TULP4: variants seen among roughly 807,000 people sequenced by gnomAD.
The protein encoded by TULP4 is TUB like protein 4.
Under a neutral mutation model 129.0 loss-of-function variants are expected in TULP4, and 16 were observed. The observed-to-expected ratio is 0.12, with a 90% CI of 0.08 to 0.19. The LOEUF (loss-of-function observed/expected upper bound fraction) is 0.19, where lower values mean the gene tolerates loss of function less well. Among genes scored for constraint, TULP4 ranks in the 10% least tolerant of loss-of-function variants. The probability of loss-of-function intolerance (pLI) is 1.00; values close to 1 mark genes in which losing one functional copy is unlikely to be tolerated. For missense variants in TULP4, 1,842 were observed against 2,059.1 expected, an observed-to-expected ratio of 0.89 and a Z score of 2.04; for synonymous variants, 998 against 854.0, an observed-to-expected ratio of 1.17 and a Z score of -2.94.
At chr6:158,490,257 G>A (rs751312373) in intron 9 of TULP4, among the ~76,000 whole-genome samples, 4 of 152,148 alleles carry the variant, frequency 2.6e-5, no homozygotes, top group Admixed American at 1.3e-4. Flanking sequence ...TTAGCCAGGC[G>A]TGGTGGCGGG....
At chr6:158,358,818 A>G (rs1780703852) in intron 1 of TULP4, among the ~76,000 whole-genome samples, 2 of 152,230 alleles carry the variant, frequency 1.3e-5, no homozygotes, top group East Asian at 1.9e-4. Flanking sequence ...GAGTCTTGAT[A>G]GGTAACGAGG....
At chr6:158,456,980 GA>G (rs1406094550) in intron 5 of TULP4, among the ~76,000 whole-genome samples, 2 of 152,150 alleles carry the variant, frequency 1.3e-5, no homozygotes, top group African/African-American at 4.8e-5. Context: ...CATGTGGTAT[GA>G]ATAGCAATCA....
At chr6:158,240,953 G>T (rs1176445552) in intron 1 of TULP4, among the ~76,000 whole-genome samples, 6 of 144,386 alleles carry the variant, frequency 4.2e-5, no homozygotes, top group Non-Finnish European at 4.6e-5. Flanking sequence ...TCTCAGTCAG[G>T]GCAGCTGCCG....
At chr6:158,299,921 CA>C (rs1237329291) in intron 1 of TULP4, among the ~76,000 whole-genome samples, 1 of 152,058 alleles carries the variant, frequency 6.6e-6, no homozygotes, top group Non-Finnish European at 1.5e-5. Context: ...AAGAGAAGAA[CA>C]GGGGGATGTT....
At chr6:158,376,336 G>C (rs140226935) in intron 1 of TULP4, among the ~76,000 whole-genome samples, 1 of 152,136 alleles carries the variant, frequency 6.6e-6, no homozygotes, top group Non-Finnish European at 1.5e-5. Context: ...AAGGCTCTTC[G>C]TCCCATGTCT....
chr6:158,339,195 C>T (rs923675947), intron 1 of TULP4, among the ~76,000 whole-genome samples: 24 of 152,048 alleles, frequency 1.6e-4, no homozygotes, highest in Non-Finnish European at 2.4e-4. Context: ...CATCACATGT[C>T]GGCAGGTTCT....
chr6:158,439,700 C>CTTTTTTTTTTTTTTT (rs71030170), intron 3 of TULP4, among the ~76,000 whole-genome samples: 1 of 68,234 alleles, frequency 1.5e-5, no homozygotes, highest in African/African-American at 6.0e-5. Context: ...ACTAGAGTTT[C>CTTTTTTTTTTTTTTT]TTTTTTTTTT....
At chr6:158,498,020 T>G (rs970571495) in intron 11 of TULP4, among the ~76,000 whole-genome samples, 11 of 152,264 alleles carry the variant, frequency 7.2e-5, no homozygotes, top group African/African-American at 2.7e-4. Context: ...CTAAATATTT[T>G]AGTTGCAATC....
upstream of TULP4, among the ~76,000 whole-genome samples, chr6:158,278,252 T>C (rs1348808880): frequency 1.3e-5 from 2 of 152,332 alleles, no homozygotes; most frequent in South Asian, 4.1e-4. Flanking sequence ...GTCTGGCCTG[T>C]ACTGTGTGGT....
intron 1 of TULP4, among the ~76,000 whole-genome samples, chr6:158,332,156 A>C (rs1779910814): frequency 7.4e-6 from 1 of 136,024 alleles, no homozygotes; most frequent in Admixed American, 8.0e-5. Flanking sequence ...TGGTCGACAG[A>C]GTAAGACTCT....
At chr6:158,468,014 G>A (rs1428734455) in intron 6 of TULP4, among the ~76,000 whole-genome samples, 4 of 152,194 alleles carry the variant, frequency 2.6e-5, no homozygotes, top group African/African-American at 4.8e-5. Flanking sequence ...ACCCAGCAAC[G>A]GATGAATAAA....
chr6:158,346,570 T>C (rs185948883), intron 1 of TULP4, among the ~76,000 whole-genome samples: 2 of 152,360 alleles, frequency 1.3e-5, no homozygotes, highest in East Asian at 3.9e-4. Flanking sequence ...TATGCTGATA[T>C]ATGGATTATT....
At chr6:158,404,045 CCACCA>C (rs1777916668) in intron 1 of TULP4, among the ~76,000 whole-genome samples, 1 of 152,150 alleles carries the variant, frequency 6.6e-6, no homozygotes, top group South Asian at 2.1e-4. Context: ...AAGCTCTTAC[CCACCA>C]CACTCTCCTA....
At chr6:158,235,716 G>T (rs1391656929) in intron 1 of TULP4, among the ~76,000 whole-genome samples, 1 of 152,070 alleles carries the variant, frequency 6.6e-6, no homozygotes, top group Admixed American at 6.6e-5. Context: ...GTTGATAAAC[G>T]TTCTAGATTT....
At chr6:158,401,046 GTTT>G (rs148542580) in intron 1 of TULP4, among the ~76,000 whole-genome samples, 3,487 of 120,490 alleles carry the variant, frequency 0.029, 52 homozygotes, top group Middle Eastern at 0.055. Flanking sequence ...GTTTGTTTGG[GTTT>G]TTTGTTGTTG....
rs746814656 is a variant in TULP4 at position 158,502,169 on chromosome 6, C to G, written c.2506C>G (p.Pro836Ala). 7.0e-6 allele frequency: 11 copies of G among 1,569,380 alleles called. No homozygotes were observed. The Admixed American group carries it at 2.0e-4, about 28-fold the overall frequency. ...VQVTKINPPP[P>A]YPGTIPAAPT... ...GGTGACGAAGATAAACCCTCCACCC[C>G]CGTACCCAGGAACCATCCCCGCTGC... Residue 836 changes from proline (P) to alanine (A), a missense_variant, in exon 13 of 14, where the codon CCG becomes GCG. Around this residue, in one of 5 missense-constraint regions of TULP4, gnomAD observed 1,089 missense variants for 987.1 expected, o/e 1.10. Transcript: ENST00000367097.
intron 13 of TULP4, among the ~76,000 whole-genome samples, chr6:158,506,188 A>G (rs117596492): frequency 2.0e-3 from 297 of 145,802 alleles, no homozygotes; most frequent in Non-Finnish European, 2.8e-3. Flanking sequence ...ATAAGGAGCC[A>G]TGCAGACCCG....
At chr6:158,245,779 A>C (rs1398741788) in intron 1 of TULP4, among the ~76,000 whole-genome samples, 4 of 152,206 alleles carry the variant, frequency 2.6e-5, no homozygotes, top group African/African-American at 9.7e-5. Flanking sequence ...TATTGAGTGA[A>C]AAAGATAGGT....
chr6:158,277,296 G>T (rs1285207369), upstream of TULP4, among the ~76,000 whole-genome samples: 1 of 152,120 alleles, frequency 6.6e-6, no homozygotes, highest in African/African-American at 2.4e-5. Context: ...CATCTTTAAT[G>T]ACCTCTCAGT....
Sources: allele counts gnomAD v4.1 joint callset (sites outside exome capture counted in the v4.1 genomes callset), GRCh38; gene constraint gnomAD v4.1.1; regional missense constraint gnomAD v4.1.1; transcripts MANE v1.5; gene names NCBI Gene and HGNC (gene_info 2026-07-23, HGNC 2026-07-21).